The following HAO1 variants were observed in gnomAD, a reference collection of about 807,000 sequenced individuals.
HAO1 encodes the protein hydroxyacid oxidase 1.
In HAO1, 34 loss-of-function variants were observed where a neutral mutation model predicts 39.7. The ratio of observed to expected loss-of-function variants is 0.86; its 90% CI spans 0.65 to 1.14. The LOEUF (loss-of-function observed/expected upper bound fraction) is 1.14. HAO1 is among the 50% of genes most tolerant of loss of function. HAO1 has a pLI of 0.00. For missense variants in HAO1, 479 were observed against 464.5 expected (o/e 1.03, Z -0.29); for synonymous variants, 172 against 173.2 (o/e 0.99, Z 0.05).
At chr20:7,934,893 G>A (rs2050403178) in intron 1 of HAO1, among the ~76,000 whole-genome samples, 1 of 152,052 alleles carries the variant, frequency 6.6e-6, no homozygotes, top group African/African-American at 2.4e-5. Flanking sequence ...ACTCATTTTA[G>A]TCTGCAGTTT....
chr20:7,892,148 G>C (rs1172126070), intron 5 of HAO1, among the ~76,000 whole-genome samples: 2 of 152,112 alleles, frequency 1.3e-5, no homozygotes, highest in East Asian at 3.9e-4. Context: ...GCAGGGGCAT[G>C]GATCTCGGCT....
chr20:7,902,865 G>A (rs1411876728), intron 4 of HAO1, among the ~76,000 whole-genome samples: 4 of 152,198 alleles, frequency 2.6e-5, no homozygotes, highest in Admixed American at 2.6e-4. Context: ...ACCACACACA[G>A]TAAGAGATTA....
intron 2 of HAO1, among the ~76,000 whole-genome samples, chr20:7,930,365 C>A (rs2050380285): frequency 6.6e-6 from 1 of 152,140 alleles, no homozygotes; most frequent in Non-Finnish European, 1.5e-5. Flanking sequence ...ATAATAACTT[C>A]ATAATTCCAT....
intron 4 of HAO1, among the ~76,000 whole-genome samples, chr20:7,905,705 A>C (rs2050244508): frequency 6.6e-6 from 1 of 152,190 alleles, no homozygotes; most frequent in African/African-American, 2.4e-5. Context: ...ACACTCAAAA[A>C]CTAGTCCTAG....
At position 7,934,549 on chromosome 20, in the gene HAO1, A is replaced by G. The variant is rs1352549594; in HGVS notation, c.224T>C (p.Ile75Thr). 3.1e-6 allele frequency: 5 copies of G among 1,613,392 alleles called. No homozygotes were observed. The highest frequency in any genetic ancestry group is 2.2e-5 in the South Asian group (2 of 91,068). The stretch of plus-strand genomic sequence containing the variant: ...CTGCATGGCCGTAGCCCCCACACAT[A>G]TTGGCATGCTGACCCTCTGTCCTAA... ...SVLGQRVSMP[I>T]CVGATAMQRM... Residue 75 changes from isoleucine to threonine, a missense_variant, in exon 2 of 8, where the codon ATA becomes ACA. Ile to Thr is a moderately conservative substitution (Grantham distance 89, BLOSUM62 -1). Transcript: ENST00000378789.
chr20:7,907,938 T>C (rs1476274883), intron 3 of HAO1, among the ~76,000 whole-genome samples: 1 of 152,226 alleles, frequency 6.6e-6, no homozygotes, highest in African/African-American at 2.4e-5. Context: ...GGACTCACCT[T>C]GCTCTTCTGC....
intron 2 of HAO1, among the ~76,000 whole-genome samples, chr20:7,919,345 C>A (rs1001356841): frequency 6.6e-6 from 1 of 152,094 alleles, no homozygotes; most frequent in Non-Finnish European, 1.5e-5. Context: ...TATATTCAGA[C>A]TTTATTCGTA....
intron 5 of HAO1, among the ~76,000 whole-genome samples, chr20:7,893,268 G>T (rs952449558): frequency 1.3e-5 from 2 of 152,118 alleles, no homozygotes; most frequent in Non-Finnish European, 2.9e-5. Flanking sequence ...TGATTCTAAC[G>T]GCCAAGCTTT....
In HAO1 at chr20:7,906,141, GA is replaced by G. The variant is rs760199443; in HGVS notation, c.721+12del. On this transcript the variant is annotated intron_variant, in intron 4 of 7. Transcript: ENST00000378789. ...CAAAGTCAGTATGAATTCAAGTAGAGAAATAAACGAACCTCTCAAAATGCCC... is the reference window on the plus strand; with the variant it reads ...CAAAGTCAGTATGAATTCAAGTAGAGAATAAACGAACCTCTCAAAATGCCC... 6.1e-5 allele frequency: 96 copies of G among 1,582,356 alleles called. No homozygotes were observed. The highest frequency in any genetic ancestry group is 8.3e-5 in the Non-Finnish European group (95 of 1,151,370).
intron 4 of HAO1, among the ~76,000 whole-genome samples, 181 bp from the exon 5 acceptor site, chr20:7,895,405 CA>C (rs1182002817): frequency 1.3e-5 from 2 of 150,802 alleles, no homozygotes; most frequent in African/African-American, 4.9e-5. Flanking sequence ...TTTTCTTGGC[CA>C]AAAACAACAA....
intron 5 of HAO1, among the ~76,000 whole-genome samples, chr20:7,894,636 C>G (rs887687780): frequency 6.6e-6 from 1 of 152,076 alleles, no homozygotes; most frequent in African/African-American, 2.4e-5. Context: ...TCTCCTTTTC[C>G]CAACTCTCCA....
chr20:7,926,454 G>T (rs1029406782), intron 2 of HAO1, among the ~76,000 whole-genome samples: 1 of 151,962 alleles, frequency 6.6e-6, no homozygotes, highest in Non-Finnish European at 1.5e-5. Flanking sequence ...ATATCTAGTC[G>T]GTCGCCTAGC....
At chr20:7,892,685 T>C (rs183031188) in intron 5 of HAO1, among the ~76,000 whole-genome samples, 57 of 152,128 alleles carry the variant, frequency 3.7e-4, no homozygotes, top group Non-Finnish European at 7.1e-4. Flanking sequence ...AAAGGGAAAA[T>C]ATTTATATAA....
intron 4 of HAO1, among the ~76,000 whole-genome samples, chr20:7,902,438 A>AT (rs1386270428): frequency 1.3e-5 from 2 of 152,218 alleles, no homozygotes; most frequent in Non-Finnish European, 2.9e-5. Flanking sequence ...GATCATTAGC[A>AT]TTTTTTAGGA....
intron 3 of HAO1, among the ~76,000 whole-genome samples, chr20:7,913,170 G>GT (rs11438122): frequency 0.37 from 50,128 of 134,124 alleles, 10,375 homozygotes; most frequent in East Asian, 0.79. Flanking sequence ...CTAGTTTTTT[G>GT]TTTTTTTTTT....
intron 7 of HAO1, 155 bp downstream of exon 7, chr20:7,885,366 A>G: frequency 1.6e-6 from 1 of 627,234 alleles, no homozygotes; most frequent in South Asian, 2.0e-5. Context: ...CTGCACATGC[A>G]GAGTTCCTCA....
chr20:7,894,174 T>C (rs1301211909), intron 5 of HAO1, among the ~76,000 whole-genome samples: 2 of 152,012 alleles, frequency 1.3e-5, no homozygotes, highest in South Asian at 4.1e-4. Flanking sequence ...ATCCATAAAA[T>C]CCACCCCAGG....
At chr20:7,897,753 T>C (rs1294968483) in intron 4 of HAO1, among the ~76,000 whole-genome samples, 1 of 152,194 alleles carries the variant, frequency 6.6e-6, no homozygotes, top group Non-Finnish European at 1.5e-5. Context: ...TTATCTCTTT[T>C]TCCTGGGATA....
rs199560808 is a variant in HAO1, at chr20:7,903,538, A to C, written c.721+2616T>G. Among the ~76,000 whole-genome samples, 14 of 142,910 alleles carry C rather than the reference A, an allele frequency of 9.8e-5. No homozygotes were observed. In the East Asian group the frequency reaches 2.6e-3, roughly 27 times the overall value. The allele number at this position is 142,910 out of a possible 152,430, so 93.8% of individuals were successfully genotyped here. A position where few individuals can be genotyped will look rare whatever the true frequency, so the allele number is the denominator to read the frequency against. ...GTGGTGATACTGGTGGTGGTGGTGGAGGTGGTGGTGGTTGTCTTGGTAATG... is the reference window on the plus strand; with the variant it reads ...GTGGTGATACTGGTGGTGGTGGTGGCGGTGGTGGTGGTTGTCTTGGTAATG... On this transcript the variant is annotated intron_variant, in intron 4 of 7. Coordinates refer to ENST00000378789, the MANE Select transcript of HAO1 (RefSeq NM_017545.3).
Sources: gnomAD v4.1 joint callset for allele counts (sites outside exome capture counted in the v4.1 genomes callset) on GRCh38, gnomAD v4.1.1 for gene constraint, MANE v1.5 for transcripts, NCBI Gene and HGNC (gene_info 2026-07-23, HGNC 2026-07-21) for gene names.